Variants in ANKHD1 observed in about 807,000 individuals in gnomAD.
ANKHD1 encodes ankyrin repeat and KH domain-containing protein 1.
ANKHD1 carries 31 observed loss-of-function variants against 230.5 expected under a neutral mutation model. The ratio of observed to expected loss-of-function variants is 0.13; its 90% CI spans 0.10 to 0.18. The LOEUF (loss-of-function observed/expected upper bound fraction) is 0.18. Among genes scored for constraint, ANKHD1 ranks in the 10% least tolerant of loss-of-function variants. The pLI is 1.00. For missense variants in ANKHD1, 2,256 were observed against 3,071.3 expected (o/e 0.73, Z 6.27); for synonymous variants, 1,074 against 1,117.6 (o/e 0.96, Z 0.78).
chr5:140,456,413 A>G lies in ANKHD1; in HGVS notation c.1243-2212A>G, dbSNP rs865828052. ...AGCCCACATTGCCAAGACAATCCTA[A>G]GCCAAAAGAACAAAGCTGGAGACAT... On this transcript the variant is annotated intron_variant, in intron 7 of 33. Transcript: ENST00000360839. Among the ~76,000 whole-genome samples, 16 of 152,342 alleles carry G rather than the reference A, an allele frequency of 1.1e-4. No individual in the cohort carries two copies. In the South Asian group the frequency reaches 1.9e-3, roughly 18 times the overall value.
chr5:140,422,483 G>A (rs112867755), intron 1 of ANKHD1, among the ~76,000 whole-genome samples: 5 of 152,158 alleles, frequency 3.3e-5, no homozygotes, highest in South Asian at 2.1e-4. Flanking sequence ...GTTAAGCTTT[G>A]TGCTAGACTT....
intron 15 of ANKHD1, among the ~76,000 whole-genome samples, chr5:140,499,381 T>C (rs1581341922): frequency 1.3e-5 from 2 of 152,272 alleles, no homozygotes; most frequent in Middle Eastern, 6.8e-3. Flanking sequence ...TAATTAATTT[T>C]ACTTAACTCT....
Position 140,529,202 on chromosome 5 carries a change from G to A in ANKHD1, c.6256G>A (p.Val2086Met), listed in dbSNP as rs775511094. Residue 2086 changes from valine (V) to methionine (M), a missense_variant, in exon 29 of 34, where the codon GTG (valine) becomes ATG (methionine). Physicochemically the swap from Val to Met is conservative, Grantham distance 21. Around this residue, in one of 13 missense-constraint regions of ANKHD1, gnomAD observed 778 missense variants for 966.5 expected, o/e 0.80. Transcript: ENST00000360839. ...NTQEEAQPSSVSDLSPMSMPF... is the reference protein window; with the variant it reads ...NTQEEAQPSSMSDLSPMSMPF... ...ACAAGAGGAGGCACAGCCATCCAGT[G>A]TGTCTGATTTAAGTCCTATGTCAAT... is the stretch of plus-strand genomic sequence containing the variant. 6 of 1,614,208 alleles carry A rather than the reference G, an allele frequency of 3.7e-6. No homozygotes were observed. The highest frequency in any genetic ancestry group is 5.1e-6 in the Non-Finnish European group (6 of 1,180,048).
intron 1 of ANKHD1, among the ~76,000 whole-genome samples, chr5:140,415,935 C>T (rs1295148088): frequency 1.3e-5 from 2 of 151,956 alleles, no homozygotes; most frequent in Non-Finnish European, 2.9e-5. Flanking sequence ...TATCCCTTCC[C>T]CCTCCCCTGA....
At chr5:140,478,711 C>T (rs1027296872) in intron 10 of ANKHD1, among the ~76,000 whole-genome samples, 6 of 152,146 alleles carry the variant, frequency 3.9e-5, no homozygotes, top group Middle Eastern at 6.8e-3. Flanking sequence ...ATGGTGCAGT[C>T]TTGGCTCACT....
At chr5:140,406,548 C>T (rs921957828) in intron 1 of ANKHD1, among the ~76,000 whole-genome samples, 1 of 151,652 alleles carries the variant, frequency 6.6e-6, no homozygotes, top group South Asian at 2.1e-4. Context: ...AATGGACTCA[C>T]ATCTTTCAGT....
Position 140,527,141 on chromosome 5 carries a change from CTAGT to C in ANKHD1, c.5087+70_5087+73del, listed in dbSNP as rs1753640698. The C allele has an allele frequency of 1.4e-6, 2 of 1,480,730 alleles. No individual in the cohort carries two copies. Among genetic ancestry groups the C allele is most frequent in the South Asian group, 2.9e-5 (2 of 69,630 alleles). The allele number at this position is 1,480,730 out of a possible 1,614,324, so 91.7% of individuals were successfully genotyped here. ...TCCCTTTCTCATGTGAGATGGCTAC[CTAGT>C]TAATTAATGAATAATTTGAATGTGG... On this transcript the variant is annotated intron_variant, in intron 27 of 33. Coordinates refer to ENST00000360839, the MANE Select transcript of ANKHD1 (RefSeq NM_017747.3). The surrounding 1 kb of genome is among the most constrained non-coding windows in gnomAD (Gnocchi z 4.5).
At chr5:140,418,144 C>CTTT (rs147753786) in intron 1 of ANKHD1, among the ~76,000 whole-genome samples, 20 of 126,438 alleles carry the variant, frequency 1.6e-4, no homozygotes, top group Non-Finnish European at 2.2e-4. Context: ...GTCCAGCCTT[C>CTTT]TTTTTTTTTT....
chr5:140,489,907 T>C (rs1041901824), intron 14 of ANKHD1, among the ~76,000 whole-genome samples: 2 of 152,234 alleles, frequency 1.3e-5, no homozygotes, highest in African/African-American at 4.8e-5. Context: ...TAAAATGTCA[T>C]GTTAGTATAA....
intron 29 of ANKHD1, among the ~76,000 whole-genome samples, chr5:140,533,370 G>A (rs1753922634): frequency 6.6e-6 from 1 of 152,050 alleles, no homozygotes; most frequent in Admixed American, 6.6e-5. Context: ...AGGCCGAGGC[G>A]GGCAGATCAC....
chr5:140,485,529 AT>A lies in ANKHD1; in HGVS notation c.1999-56del. ...TTTAATACTGTTTAAATGAGTTTTG[AT>A]TTTATATGAGCTGCTAAGAAACTAT... On this transcript the variant is annotated intron_variant, in intron 12 of 33. Transcript: ENST00000360839. This position sits in a 1 kb window ranked among gnomAD's most constrained non-coding sequence, Gnocchi z 4.8. 1 of 1,596,138 alleles carries A rather than the reference AT, an allele frequency of 6.3e-7. No homozygotes were observed. The highest frequency in any genetic ancestry group is 1.1e-5 in the South Asian group (1 of 89,104).
chr5:140,449,171 G>C, intron 6 of ANKHD1, 40 bp from the exon 7 acceptor site: 1 of 1,542,696 alleles, frequency 6.5e-7, no homozygotes, highest in South Asian at 1.2e-5. Flanking sequence ...ATATTAAACT[G>C]ATAGTGAATT....
intron 9 of ANKHD1, among the ~76,000 whole-genome samples, chr5:140,463,258 G>T (rs570566915): frequency 6.6e-6 from 1 of 152,110 alleles, no homozygotes. Flanking sequence ...ATTGTCAGAA[G>T]ATGGGACAGT....
intron 22 of ANKHD1, among the ~76,000 whole-genome samples, chr5:140,510,532 C>CA (rs1284457340): frequency 5.9e-5 from 9 of 151,802 alleles, no homozygotes; most frequent in African/African-American, 2.2e-4. Context: ...AGGCTGGTCT[C>CA]AAACTCCTGA....
At position 140,513,307 on chromosome 5, in the gene ANKHD1, A is replaced by T. The variant is rs984928078; in HGVS notation, c.4201-56A>T. On this transcript the variant is annotated intron_variant, in intron 23 of 33. Coordinates refer to ENST00000360839, the MANE Select transcript of ANKHD1 (RefSeq NM_017747.3). ...TGGACTTTAATGTGCTCATCAGCTT[A>T]AGTTTTATTTGGCCTCTTTCATTAT... The T allele has an allele frequency of 6.6e-6, 10 of 1,519,234 alleles. No homozygotes were observed. The Admixed American group carries it at 2.1e-4, about 31-fold the overall frequency. The allele number at this position is 1,519,234 out of a possible 1,614,324, so 94.1% of individuals were successfully genotyped here. A position where few individuals can be genotyped will look rare whatever the true frequency, so the allele number is the denominator to read the frequency against.
intron 22 of ANKHD1, among the ~76,000 whole-genome samples, chr5:140,512,038 C>A (rs1158314454): frequency 6.6e-6 from 1 of 152,062 alleles, no homozygotes; most frequent in Non-Finnish European, 1.5e-5. Flanking sequence ...GAGTTCAAGA[C>A]CAGCCTGGCC....
chr5:140,493,661 C>G (rs887291853), intron 14 of ANKHD1, among the ~76,000 whole-genome samples: 2 of 152,158 alleles, frequency 1.3e-5, no homozygotes, highest in Non-Finnish European at 2.9e-5. Flanking sequence ...TTTGATGTGT[C>G]TTTAGGCAAT....
chr5:140,520,203 G>A lies in ANKHD1; in HGVS notation c.4318-3863G>A, dbSNP rs939071671. 1.2e-4 allele frequency among the ~76,000 whole-genome samples: 19 copies of A among 152,308 alleles called. No homozygotes were observed. The South Asian group carries it at 1.7e-3, about 13-fold the overall frequency. On this transcript the variant is annotated intron_variant, in intron 24 of 33. Coordinates refer to ENST00000360839, the MANE Select transcript of ANKHD1 (RefSeq NM_017747.3). ...ATGCTCCTCATCACTGGCCATCAGA[G>A]AAACGCAAATCAAAACCACAATGAG...
At chr5:140,439,703 G>A (rs1773711864) in intron 3 of ANKHD1, among the ~76,000 whole-genome samples, 1 of 151,242 alleles carries the variant, frequency 6.6e-6, no homozygotes, top group Non-Finnish European at 1.5e-5. Context: ...AAACACTAAT[G>A]ATAGCTGATG....
Sources: allele counts gnomAD v4.1 joint callset (sites outside exome capture counted in the v4.1 genomes callset), GRCh38; gene constraint gnomAD v4.1.1; regional missense constraint gnomAD v4.1.1; non-coding constraint Gnocchi (gnomAD v3.1); transcripts MANE v1.5; gene names NCBI Gene and HGNC (gene_info 2026-07-23, HGNC 2026-07-21).